The following FCGRT variants were observed in gnomAD, a reference collection of about 807,000 sequenced individuals.
The protein encoded by FCGRT is Fc gamma receptor and transporter.
Under a neutral mutation model 35.7 loss-of-function variants are expected in FCGRT, and 13 were observed. That is an observed-to-expected ratio of 0.36 (90% CI 0.24 to 0.58). FCGRT has a LOEUF of 0.58. Ranked by LOEUF, FCGRT falls within the 20% of genes least tolerant of loss-of-function variation. The pLI is 0.77. For missense variants in FCGRT, 455 were observed against 474.9 expected (o/e 0.96, Z 0.39); for synonymous variants, 233 against 216.5 (o/e 1.08, Z -0.67).
At chr19:49,523,875 A>AT (rs1462716043) in intron 4 of FCGRT, among the ~76,000 whole-genome samples, 11 of 151,546 alleles carry the variant, frequency 7.3e-5, no homozygotes, top group Admixed American at 2.6e-4. Context: ...AAAAAAAAAA[A>AT]TTTAAATAGT....
At chr19:49,513,811 C>G in intron 2 of FCGRT, 71 bp from the exon 3 acceptor site, 1 of 1,366,244 alleles carries the variant, frequency 7.3e-7, no homozygotes, top group South Asian at 1.4e-5. Context: ...CTTCTCCCTC[C>G]CTGGGTATCT....
chr19:49,516,107 C>T (rs1446946944), intron 4 of FCGRT: 3 of 446,482 alleles, frequency 6.7e-6, no homozygotes, highest in East Asian at 7.1e-5. Context: ...CCCTCTGTGG[C>T]TCCCAGGCTG....
intron 4 of FCGRT, 84 bp from the exon 5 acceptor site, chr19:49,524,423 G>A: frequency 7.0e-7 from 1 of 1,431,158 alleles, no homozygotes; most frequent in East Asian, 2.3e-5. Flanking sequence ...GTGCAAACAT[G>A]GAGGCCTCTT....
chr19:49,514,991 T>C (rs2946853), intron 4 of FCGRT, among the ~76,000 whole-genome samples: 21,511 of 142,948 alleles, frequency 0.15, 2,529 homozygotes, highest in African/African-American at 0.34. Context: ...TGCTCCTGGC[T>C]CCCCCCTTTT....
At chr19:49,525,807 G>C (rs1376928654) in intron 6 of FCGRT, among the ~76,000 whole-genome samples, 4 of 151,760 alleles carry the variant, frequency 2.6e-5, no homozygotes, top group African/African-American at 4.8e-5. Flanking sequence ...GACAGAGGGA[G>C]GGGGAGACAG....
In FCGRT at chr19:49,514,027, T is replaced by C. The variant is rs369496449; in HGVS notation, c.219T>C (p.Ala73=). 5.9e-5 allele frequency: 95 copies of C among 1,612,330 alleles called. No individual in the cohort carries two copies. In the African/African-American group the frequency reaches 9.5e-4, roughly 16 times the overall value. ...SLRGEAEPCG[A]WVWENQVSWY... The stretch of plus-strand genomic sequence containing the variant: ...GGGGCGAGGCGGAGCCCTGTGGAGC[T>C]TGGGTCTGGGAAAACCAGGTGTCCT... The change falls in exon 3 of 7, where the codon GCT becomes GCC. Residue 73 remains alanine (A), a synonymous_variant. Transcript: ENST00000221466.
chr19:49,526,022 C>T lies in FCGRT; in HGVS notation c.1001C>T (p.Ser334Phe). The T allele has an allele frequency of 1.9e-6, 3 of 1,610,046 alleles. 1 individual carries two copies. Among genetic ancestry groups the T allele is most frequent in the Non-Finnish European group, 8.5e-7 (1 of 1,176,562 alleles). Residue 334 changes from serine to phenylalanine, a missense_variant, in exon 7 of 7, where the codon TCC (serine) becomes TTC (phenylalanine). Around this residue, in one of 3 missense-constraint regions of FCGRT, gnomAD observed 312 missense variants for 296.1 expected, o/e 1.05. Coordinates refer to ENST00000221466, the MANE Select transcript of FCGRT (RefSeq NM_001136019.3). ...MRSGLPAPWISLRGDDTGVLL... is the reference protein window; with the variant it reads ...MRSGLPAPWIFLRGDDTGVLL... ...TCTCTCTCCTCAGCCCCTTGGATCT[C>T]CCTTCGTGGAGACGACACCGGGGTC...
intron 4 of FCGRT, among the ~76,000 whole-genome samples, chr19:49,518,783 C>T (rs1390152295): frequency 6.6e-6 from 1 of 152,044 alleles, no homozygotes; most frequent in Admixed American, 6.6e-5. Context: ...GATCCACCCA[C>T]CTCGGCCTCC....
intron 6 of FCGRT, 21 bp from the exon 7 acceptor site, chr19:49,525,989 T>C (rs1568704928): frequency 4.7e-6 from 7 of 1,483,308 alleles, no homozygotes; most frequent in Non-Finnish European, 6.6e-6. Flanking sequence ...TGATGACCTC[T>C]CCCTCTCTCT....
intron 4 of FCGRT, among the ~76,000 whole-genome samples, chr19:49,524,036 T>C (rs2080057873): frequency 6.6e-6 from 1 of 151,168 alleles, no homozygotes; most frequent in Non-Finnish European, 1.5e-5. Flanking sequence ...TCTTTTTTTC[T>C]GAGACGGGGT....
chr19:49,514,880 C>T (rs1319761343), intron 4 of FCGRT, among the ~76,000 whole-genome samples: 1 of 151,630 alleles, frequency 6.6e-6, no homozygotes, highest in Non-Finnish European at 1.5e-5. Flanking sequence ...TTAGTAGAGA[C>T]GGGGTTTCTT....
At position 49,526,410 on chromosome 19, in the gene FCGRT, G is replaced by T. The variant is rs1601202603; in HGVS notation, c.*291G>T. On this transcript the variant is annotated 3_prime_UTR_variant, in exon 7 of 7. Transcript: ENST00000221466. ...GGGACTGAATGGCGGCTGGGCCTCG[G>T]ATCTCTCCTACAGGTAACATGCTGC... The T allele has an allele frequency of 2.2e-6, 1 of 448,102 alleles. No homozygotes were observed. The highest frequency in any genetic ancestry group is 4.5e-5 in the East Asian group (1 of 22,012). The allele number at this position is 448,102 out of a possible 1,614,324, so 27.8% of individuals were successfully genotyped here. A position where few individuals can be genotyped will look rare whatever the true frequency, so the allele number is the denominator to read the frequency against.
At chr19:49,518,415 G>GATCC (rs2080021371) in intron 4 of FCGRT, among the ~76,000 whole-genome samples, 1 of 150,036 alleles carries the variant, frequency 6.7e-6, no homozygotes, top group South Asian at 2.1e-4. Context: ...CACCAGACTG[G>GATCC]AGTCCAGTGG....
Position 49,524,579 on chromosome 19 carries a change from C to T in FCGRT, c.674C>T (p.Ser225Phe). The change falls in exon 5 of 7, where the codon TCC becomes TTC. Residue 225 changes from serine to phenylalanine, a missense_variant. Physicochemically the swap from Ser to Phe is radical, Grantham distance 155. Around this residue, in one of 3 missense-constraint regions of FCGRT, gnomAD observed 312 missense variants for 296.1 expected, o/e 1.05. Coordinates refer to ENST00000221466, the MANE Select transcript of FCGRT (RefSeq NM_001136019.3). ...TCCGTGCTTACCTGCAGCGCCTTCTCCTTCTACCCTCCGGAGCTGCAACTT... is the reference window on the plus strand; with the variant it reads ...TCCGTGCTTACCTGCAGCGCCTTCTTCTTCTACCCTCCGGAGCTGCAACTT... Reference protein sequence around the residue: ...GFSVLTCSAFSFYPPELQLRF... With the variant: ...GFSVLTCSAFFFYPPELQLRF... 6.2e-7 allele frequency: 1 copy of T among 1,613,010 alleles called. No homozygotes were observed. The highest frequency in any genetic ancestry group is 8.5e-7 in the Non-Finnish European group (1 of 1,180,024).
intron 2 of FCGRT, 25 bp downstream of exon 2, chr19:49,513,498 C>T: frequency 8.1e-7 from 1 of 1,233,600 alleles, no homozygotes; most frequent in Non-Finnish European, 1.0e-6. Context: ...GGGCCAGGGC[C>T]CTGCTGCAGG....
chr19:49,524,486 T>A, intron 4 of FCGRT, 21 bp from the exon 5 acceptor site: 1 of 1,600,792 alleles, frequency 6.2e-7, no homozygotes, highest in South Asian at 1.1e-5. Context: ...GACTTAGGCC[T>A]GTCTGCCTGA....
intron 4 of FCGRT, among the ~76,000 whole-genome samples, chr19:49,518,894 G>T (rs1165957312): frequency 1.4e-4 from 21 of 150,278 alleles, no homozygotes. Context: ...CCAGGCTGGG[G>T]TGCAGTGGCG....
Position 49,514,238 on chromosome 19 carries a change from G to GCC in FCGRT, c.354_355insCC (p.Cys119ProfsTer18), listed in dbSNP as rs748329009. The GCC allele has an allele frequency of 6.2e-7, 1 of 1,610,564 alleles. No homozygotes were observed. On this transcript the variant is annotated frameshift_variant, in exon 4 of 7. Transcript: ENST00000221466. LOFTEE classifies it high-confidence loss of function. ...CCCTACACTCTGCAGGGCCTGCTGG[G>GCC]CTGTGAACTGGGCCCTGACAACACC...
intron 4 of FCGRT, among the ~76,000 whole-genome samples, chr19:49,518,202 A>G (rs151039540): frequency 3.3e-5 from 5 of 152,272 alleles, no homozygotes; most frequent in Non-Finnish European, 7.4e-5. Context: ...CATCACACCT[A>G]CAACCAATTA....
Sources: gnomAD v4.1 joint callset for allele counts (sites outside exome capture counted in the v4.1 genomes callset) on GRCh38, gnomAD v4.1.1 for gene constraint, gnomAD v4.1.1 regional missense constraint, MANE v1.5 for transcripts, NCBI Gene and HGNC (gene_info 2026-07-23, HGNC 2026-07-21) for gene names.